The following STAB2 variants were observed in gnomAD, a reference collection of about 807,000 sequenced individuals.
STAB2 encodes stabilin 2, also known as stabilin-2.
Under a neutral mutation model 338.1 loss-of-function variants are expected in STAB2, and 288 were observed. The ratio of observed to expected loss-of-function variants is 0.85; its 90% CI spans 0.77 to 0.94. STAB2 has a LOEUF of 0.94. Ranked by LOEUF, STAB2 falls within the 40% of genes least tolerant of loss-of-function variation. The pLI is 0.00. For missense variants in STAB2, 3,141 were observed against 3,210.1 expected, an observed-to-expected ratio of 0.98 and a Z score of 0.52; for synonymous variants, 1,202 against 1,193.3, an observed-to-expected ratio of 1.01 and a Z score of -0.15.
chr12:103,651,273 C>T (rs1473534394), intron 11 of STAB2, among the ~76,000 whole-genome samples: 1 of 151,366 alleles, frequency 6.6e-6, no homozygotes, highest in East Asian at 1.9e-4. Context: ...CTCCCTCCCA[C>T]CTTTACCATC....
chr12:103,710,583 G>A (rs1455816258), intron 39 of STAB2, among the ~76,000 whole-genome samples: 1 of 152,192 alleles, frequency 6.6e-6, no homozygotes, highest in Non-Finnish European at 1.5e-5. Context: ...CAAAGGTTTA[G>A]AGCAGGTTCC....
At position 103,699,102 on chromosome 12, in the gene STAB2, G is replaced by A. The variant is rs1450064026; in HGVS notation, c.3589G>A (p.Asp1197Asn). The stretch of plus-strand genomic sequence containing the variant: ...AATTCTGTGTGTGATCCAGGAGGAG[G>A]ACGTCCTCCGGTATCATGTGGTCCT... ...REKKVLSLEE[D>N]VLRYHVVLEE... Residue 1197 changes from aspartate to asparagine, a missense_variant, in exon 34 of 69, where the codon GAC becomes AAC. By Grantham distance (23) the Asp-to-Asn change is conservative. Transcript: ENST00000388887. The A allele has an allele frequency of 1.9e-6, 3 of 1,608,278 alleles. No homozygotes were observed. Among genetic ancestry groups the A allele is most frequent in the African/African-American group, 1.3e-5 (1 of 74,814 alleles).
chr12:103,716,707 C>T (rs879915980), intron 43 of STAB2, among the ~76,000 whole-genome samples: 7 of 152,160 alleles, frequency 4.6e-5, no homozygotes, highest in Non-Finnish European at 8.8e-5. Flanking sequence ...TGGGGGAATT[C>T]GGAACAGTCA....
At chr12:103,595,770 G>A (rs1956866078) in intron 3 of STAB2, among the ~76,000 whole-genome samples, 1 of 152,214 alleles carries the variant, frequency 6.6e-6, no homozygotes, top group Admixed American at 6.5e-5. Context: ...ACTGGTAAGT[G>A]ATAAAGCAAA....
chr12:103,712,023 G>A (rs187838630), intron 40 of STAB2, among the ~76,000 whole-genome samples: 17 of 152,304 alleles, frequency 1.1e-4, no homozygotes, highest in East Asian at 3.9e-4. Flanking sequence ...GGAATAATCC[G>A]ACTTGCCAGG....
intron 65 of STAB2, among the ~76,000 whole-genome samples, chr12:103,761,088 G>A (rs1884501681): frequency 6.6e-6 from 1 of 152,150 alleles, no homozygotes; most frequent in African/African-American, 2.4e-5. Flanking sequence ...GACCCATAAG[G>A]TTCTCTGCAG....
chr12:103,623,330 G>A (rs1243550845), intron 5 of STAB2, among the ~76,000 whole-genome samples: 1 of 152,156 alleles, frequency 6.6e-6, no homozygotes, highest in African/African-American at 2.4e-5. Context: ...TAGCACCTGG[G>A]AATATGGTAC....
At chr12:103,638,376 C>T (rs1271243743) in intron 8 of STAB2, among the ~76,000 whole-genome samples, 164 bp downstream of exon 8, 1 of 152,204 alleles carries the variant, frequency 6.6e-6, no homozygotes, top group African/African-American at 2.4e-5. Context: ...GAAATCAGTG[C>T]CTGCTCACCC....
At chr12:103,654,318 G>A (rs1342042134) in intron 12 of STAB2, among the ~76,000 whole-genome samples, 2 of 152,160 alleles carry the variant, frequency 1.3e-5, no homozygotes, top group African/African-American at 2.4e-5. Flanking sequence ...CCTTGCCCAG[G>A]TTTAGCATAT....
rs112051691 is a variant in STAB2 at position 103,737,908 on chromosome 12, T to C, written c.5697+128T>C. ...CAGCAAGACTAGGACCCAGAAGACC[T>C]GAGGGCCAAATGATGTAGTTCTTTA... On this transcript the variant is annotated intron_variant, in intron 53 of 68. Coordinates refer to ENST00000388887, the MANE Select transcript of STAB2 (RefSeq NM_017564.10). 173 of 1,227,500 alleles carry C rather than the reference T, an allele frequency of 1.4e-4. 1 individual carries two copies. In the African/African-American group the frequency reaches 2.1e-3, roughly 15 times the overall value. 76.0% of individuals were successfully genotyped at this position (1,227,500 alleles called of 1,614,324 possible).
chr12:103,640,876 A>C (rs904866066), intron 9 of STAB2, among the ~76,000 whole-genome samples: 1 of 152,158 alleles, frequency 6.6e-6, no homozygotes, highest in Non-Finnish European at 1.5e-5. Context: ...CAGTTGCTCC[A>C]TGTGTAAAAG....
intron 68 of STAB2, 156 bp downstream of exon 68, chr12:103,763,764 G>A: frequency 4.4e-6 from 3 of 674,888 alleles, no homozygotes; most frequent in Non-Finnish European, 5.0e-6. Context: ...CAAGCTGACT[G>A]AAGCCAGTGT....
chr12:103,603,231 T>C (rs1053110721), intron 3 of STAB2, among the ~76,000 whole-genome samples: 1 of 152,028 alleles, frequency 6.6e-6, no homozygotes, highest in Non-Finnish European at 1.5e-5. Flanking sequence ...CAACCACGCC[T>C]GGCTAATTTT....
At chr12:103,690,389 T>A in intron 29 of STAB2, 35 bp from the exon 30 acceptor site, 1 of 1,523,926 alleles carries the variant, frequency 6.6e-7, no homozygotes, top group Non-Finnish European at 9.1e-7. Flanking sequence ...CATACATTTA[T>A]ATTGAATTAT....
chr12:103,762,509 CA>C, intron 67 of STAB2, 107 bp downstream of exon 67: 1 of 1,555,464 alleles, frequency 6.4e-7, no homozygotes, highest in Non-Finnish European at 8.8e-7. Context: ...CACCCAGAAG[CA>C]GTGTGTCACA....
chr12:103,664,112 A>AGTTTTGTTTT (rs139808056), intron 18 of STAB2, among the ~76,000 whole-genome samples: 56 of 151,556 alleles, frequency 3.7e-4, no homozygotes, highest in African/African-American at 6.8e-4. Flanking sequence ...TGGCTCAGCC[A>AGTTTTGTTTT]GTTTTGTTTT....
intron 9 of STAB2, 100 bp from the exon 10 acceptor site, chr12:103,648,590 G>C (rs891323059): frequency 1.4e-6 from 2 of 1,481,260 alleles, no homozygotes; most frequent in South Asian, 2.8e-5. Flanking sequence ...TCAACCCTGG[G>C]CATCCTTTGC....
chr12:103,739,683 G>T (rs1401232249), intron 54 of STAB2, among the ~76,000 whole-genome samples: 1 of 152,038 alleles, frequency 6.6e-6, no homozygotes, highest in Non-Finnish European at 1.5e-5. Context: ...CCATGTTCTA[G>T]GACCTGTCTA....
chr12:103,733,997 CGACCATATAGGAGCAAGCAT>C (rs1881869308), intron 51 of STAB2, among the ~76,000 whole-genome samples: 1 of 144,544 alleles, frequency 6.9e-6, no homozygotes, highest in Admixed American at 7.0e-5. Flanking sequence ...GGAGCAAGCA[CGACCATATAGGAGCAAGCAT>C]GATCATATAG....
Sources: gnomAD v4.1 joint callset for allele counts (sites outside exome capture counted in the v4.1 genomes callset) on GRCh38, gnomAD v4.1.1 for gene constraint, MANE v1.5 for transcripts, NCBI Gene and HGNC (gene_info 2026-07-23, HGNC 2026-07-21) for gene names.